The following MYRIP variants were observed in gnomAD, a reference collection of about 807,000 sequenced individuals.
MYRIP encodes the protein rab effector MyRIP.
MYRIP carries 49 observed loss-of-function variants against 98.0 expected under a neutral mutation model. The ratio of observed to expected loss-of-function variants is 0.50; its 90% confidence interval spans 0.40 to 0.63. The LOEUF (loss-of-function observed/expected upper bound fraction) is 0.63. Among genes scored for constraint, MYRIP ranks in the 30% least tolerant of loss-of-function variants. MYRIP has a pLI of 0.00. For missense variants in MYRIP, 1,004 were observed against 1,058.2 expected, an observed-to-expected ratio of 0.95 and a Z score of 0.71; for synonymous variants, 404 against 409.5, an observed-to-expected ratio of 0.99 and a Z score of 0.16.
intron 2 of MYRIP, among the ~76,000 whole-genome samples, chr3:40,042,796 A>G (rs1054871087): frequency 2.6e-5 from 4 of 152,206 alleles, no homozygotes; most frequent in African/African-American, 9.6e-5. Context: ...TAAACCCATC[A>G]TAAGTTGAAA....
intron 1 of MYRIP, among the ~76,000 whole-genome samples, chr3:39,831,239 T>C (rs1299163453): frequency 6.6e-6 from 1 of 152,156 alleles, no homozygotes; most frequent in Non-Finnish European, 1.5e-5. Context: ...CTCATCTTGT[T>C]TCATGGTTTT....
At chr3:40,169,300 G>T (rs1321825521) in intron 7 of MYRIP, among the ~76,000 whole-genome samples, 2 of 152,188 alleles carry the variant, frequency 1.3e-5, no homozygotes, top group Non-Finnish European at 2.9e-5. Context: ...CTCCTGTCTG[G>T]CCTAAAGGAA....
At chr3:40,097,914 C>T (rs180987855) in intron 3 of MYRIP, among the ~76,000 whole-genome samples, 3 of 152,316 alleles carry the variant, frequency 2.0e-5, no homozygotes, top group East Asian at 3.9e-4. Context: ...GAAGTGTTGC[C>T]ACAGGAATTC....
At position 40,079,182 on chromosome 3, in the gene MYRIP, A is replaced by C. The variant is rs1011645860; in HGVS notation, c.332+34911A>C. ...CTTAGAAGTTGACTGTTCGAAGATC[A>C]CACGATTTACCATTTAAGCCTTCTT... On this transcript the variant is annotated intron_variant, in intron 3 of 16. Coordinates refer to ENST00000302541, the MANE Select transcript of MYRIP (RefSeq NM_015460.4). Among the ~76,000 whole-genome samples, 5 of 152,256 alleles carry C rather than the reference A, an allele frequency of 3.3e-5. No homozygotes were observed. The East Asian group carries it at 9.6e-4, about 29-fold the overall frequency.
chr3:40,213,095 T>C (rs1952011270), intron 11 of MYRIP, among the ~76,000 whole-genome samples: 1 of 152,212 alleles, frequency 6.6e-6, no homozygotes, highest in African/African-American at 2.4e-5. Flanking sequence ...CAGGCCCTTC[T>C]TGGCCCTTCT....
chr3:40,095,028 G>A (rs1424754621), intron 3 of MYRIP, among the ~76,000 whole-genome samples: 5 of 152,074 alleles, frequency 3.3e-5, no homozygotes, highest in Non-Finnish European at 7.4e-5. Context: ...TCACCTAATT[G>A]CTGTGGCTGG....
At chr3:39,811,111 G>A (rs1342286523) in intron 1 of MYRIP, among the ~76,000 whole-genome samples, 3 of 152,104 alleles carry the variant, frequency 2.0e-5, no homozygotes, top group African/African-American at 7.2e-5. Context: ...TGTTGTGGGC[G>A]CTTCTCAGAG....
intron 1 of MYRIP, among the ~76,000 whole-genome samples, chr3:39,883,730 AAAAT>A (rs1409415540): frequency 6.6e-6 from 1 of 152,022 alleles, no homozygotes; most frequent in East Asian, 1.9e-4. Context: ...ACATGAAGAG[AAAAT>A]AAATAAAAAA....
chr3:39,849,590 A>G (rs1283500189), intron 1 of MYRIP, among the ~76,000 whole-genome samples: 1 of 152,148 alleles, frequency 6.6e-6, no homozygotes, highest in African/African-American at 2.4e-5. Context: ...GTAAGTTATA[A>G]ATGTGAACTT....
Position 40,077,692 on chromosome 3 carries a change from A to G in MYRIP, c.332+33421A>G, listed in dbSNP as rs368909111. On this transcript the variant is annotated intron_variant, in intron 3 of 16. Transcript: ENST00000302541. ...TTGAGCTAGACATAAAGGTTCTCCA[A>G]GGCCCCACCACAGTAGCTAGATACA... Among the ~76,000 whole-genome samples the G allele has an allele frequency of 1.5e-3, 225 of 152,334 alleles. 8 individuals carry two copies. In the South Asian group the frequency reaches 0.045, roughly 31 times the overall value.
At position 39,971,231 on chromosome 3, in the gene MYRIP, G is replaced by T. The variant is rs558035814; in HGVS notation, c.110+70305G>T. 2.0e-5 allele frequency among the ~76,000 whole-genome samples: 3 copies of T among 152,080 alleles called. No homozygotes were observed. In the South Asian group the frequency reaches 6.2e-4, roughly 32 times the overall value. On this transcript the variant is annotated intron_variant, in intron 2 of 16. Coordinates refer to ENST00000302541, the MANE Select transcript of MYRIP (RefSeq NM_015460.4). ...AAGTTGTTTTCATTGGTTACCCTTT[G>T]TTCTTCTTGGTAGAAAAGGGAGATG...
chr3:40,097,551 C>T (rs548584572), intron 3 of MYRIP, among the ~76,000 whole-genome samples: 6 of 152,230 alleles, frequency 3.9e-5, no homozygotes, highest in African/African-American at 9.6e-5. Context: ...TGGAGTAGAT[C>T]TTTCTATTCA....
intron 4 of MYRIP, among the ~76,000 whole-genome samples, chr3:40,154,699 C>A (rs913179020): frequency 1.6e-4 from 25 of 152,266 alleles, no homozygotes; most frequent in African/African-American, 5.8e-4. Flanking sequence ...CTGATGTTCA[C>A]CCTCCCCCTG....
chr3:39,810,151 G>C (rs576949097), intron 1 of MYRIP, among the ~76,000 whole-genome samples: 1 of 152,194 alleles, frequency 6.6e-6, no homozygotes, highest in South Asian at 2.1e-4. Context: ...AGCCAGAATC[G>C]CCTCTTTCTC....
chr3:40,043,748 T>A (rs1318766316), intron 2 of MYRIP, among the ~76,000 whole-genome samples: 1 of 152,248 alleles, frequency 6.6e-6, no homozygotes, highest in African/African-American at 2.4e-5. Context: ...TTCAAGGATA[T>A]GCTTATTAGT....
chr3:40,150,936 A>G, intron 3 of MYRIP, 112 bp from the exon 4 acceptor site: 2 of 1,084,266 alleles, frequency 1.8e-6, no homozygotes, highest in Non-Finnish European at 2.5e-6. Context: ...GCCCAGATTC[A>G]AGGGGAATAA....
intron 3 of MYRIP, among the ~76,000 whole-genome samples, chr3:40,127,580 C>G (rs1465155736): frequency 1.3e-5 from 2 of 152,222 alleles, no homozygotes; most frequent in African/African-American, 2.4e-5. Context: ...ATCTGGTGCT[C>G]AGAAGTTAAC....
At chr3:40,180,176 C>T (rs747036135) in intron 8 of MYRIP, among the ~76,000 whole-genome samples, 7 of 152,170 alleles carry the variant, frequency 4.6e-5, no homozygotes, top group Non-Finnish European at 1.0e-4. Flanking sequence ...TAGCTTGGCT[C>T]TCCTCCAAGT....
At chr3:40,007,711 T>C (rs13327284) in intron 2 of MYRIP, among the ~76,000 whole-genome samples, 12,848 of 152,234 alleles carry the variant, frequency 0.084, 854 homozygotes, top group East Asian at 0.17. Flanking sequence ...AGGAGTTGGC[T>C]TAGATGATTA....
Sources: gnomAD v4.1 joint callset for allele counts (sites outside exome capture counted in the v4.1 genomes callset) on GRCh38, gnomAD v4.1.1 for gene constraint, MANE v1.5 for transcripts, NCBI Gene and HGNC (gene_info 2026-07-23, HGNC 2026-07-21) for gene names.